Variants in NCKAP5 observed in about 807,000 individuals in gnomAD.
NCKAP5 encodes nck-associated protein 5.
A neutral mutation model predicts 167.0 loss-of-function variants in NCKAP5; 92 were observed. That is an observed-to-expected ratio of 0.55 (90% CI 0.47 to 0.66). NCKAP5 has a LOEUF of 0.66. Ranked by LOEUF, NCKAP5 falls within the 30% of genes least tolerant of loss-of-function variation. NCKAP5 has a pLI of 0.00. For synonymous variants in NCKAP5, 891 were observed against 877.4 expected, an observed-to-expected ratio of 1.02 and a Z score of -0.27; for missense variants, 2,378 against 2,315.0, an observed-to-expected ratio of 1.03 and a Z score of -0.56.
At chr2:133,427,697 C>T (rs1689900319) in intron 3 of NCKAP5, among the ~76,000 whole-genome samples, 1 of 152,026 alleles carries the variant, frequency 6.6e-6, no homozygotes, top group Non-Finnish European at 1.5e-5. Flanking sequence ...GTGAGAAAAT[C>T]ACATATGATA....
chr2:132,784,412 A>G lies in NCKAP5; in HGVS notation c.2399T>C (p.Leu800Pro). The G allele has an allele frequency of 1.2e-6, 2 of 1,613,134 alleles. No homozygotes were observed. The highest frequency in any genetic ancestry group is 1.7e-6 in the Non-Finnish European group (2 of 1,179,618). ...CTTGCCCCTGGGAGGTATTTTTGTC[A>G]GATTTTGCTTTTGATAGATGCCCAT... Reference protein sequence around the residue: ...APMGIYQKQNLTKIPPRGKSS... With the variant: ...APMGIYQKQNPTKIPPRGKSS... The change falls in exon 14 of 20, where the codon CTG becomes CCG. Residue 800 changes from leucine to proline, a missense_variant. Physicochemically the swap from Leu to Pro is moderately conservative, Grantham distance 98 (BLOSUM62 -3). This residue lies in a region of NCKAP5 where 1,049 missense variants were observed against 1,023.4 expected (regional missense o/e 1.02). Coordinates refer to ENST00000409261, the MANE Select transcript of NCKAP5 (RefSeq NM_207363.3).
chr2:133,144,434 AT>A (rs1417371098), intron 5 of NCKAP5, among the ~76,000 whole-genome samples: 2 of 152,030 alleles, frequency 1.3e-5, no homozygotes, highest in African/African-American at 2.4e-5. Context: ...CTAATCATTC[AT>A]TTTCCAGGAG....
At chr2:133,656,718 TG>T in the NCKAP5 span, among the ~76,000 whole-genome samples, 1 of 152,166 alleles carries the variant, frequency 6.6e-6, no homozygotes, top group Non-Finnish European at 1.5e-5. Context: ...GCACCAAGTG[TG>T]GGATTCTCTC....
At chr2:132,870,956 A>AT (rs988096136) in intron 9 of NCKAP5, among the ~76,000 whole-genome samples, 21 of 151,978 alleles carry the variant, frequency 1.4e-4, no homozygotes, top group Admixed American at 3.3e-4. Flanking sequence ...CACAAGAAGG[A>AT]TTTTTTTCCC....
chr2:132,932,484 C>T (rs1320028989), intron 8 of NCKAP5, among the ~76,000 whole-genome samples: 1 of 152,140 alleles, frequency 6.6e-6, no homozygotes, highest in Admixed American at 6.5e-5. Context: ...AAGAGTAGAA[C>T]TGGCCACTTT....
intron 3 of NCKAP5, among the ~76,000 whole-genome samples, chr2:133,354,724 G>T (rs1473840574): frequency 2.0e-5 from 3 of 152,104 alleles, no homozygotes; most frequent in Non-Finnish European, 4.4e-5. Flanking sequence ...TTGTGCACAG[G>T]ACTATAAATA....
the NCKAP5 span, among the ~76,000 whole-genome samples, chr2:133,649,091 T>C: frequency 6.6e-6 from 1 of 151,710 alleles, no homozygotes; most frequent in South Asian, 2.1e-4. Context: ...AAAAGGCTCA[T>C]AAAGACGACT....
chr2:132,867,874 G>GT (rs1690485593), intron 10 of NCKAP5, among the ~76,000 whole-genome samples: 1 of 152,088 alleles, frequency 6.6e-6, no homozygotes, highest in South Asian at 2.1e-4. Flanking sequence ...CTAACTCTAC[G>GT]TAAGTGTACT....
chr2:133,029,063 A>C (rs1029935386), intron 6 of NCKAP5, among the ~76,000 whole-genome samples: 6 of 152,160 alleles, frequency 3.9e-5, no homozygotes, highest in African/African-American at 1.2e-4. Context: ...TGGGCCAATT[A>C]AACTTTTTTT....
intron 8 of NCKAP5, among the ~76,000 whole-genome samples, chr2:132,885,916 C>A (rs1321505013): frequency 6.6e-6 from 1 of 152,254 alleles, no homozygotes; most frequent in African/African-American, 2.4e-5. Flanking sequence ...CCGCTGCAGG[C>A]TTTTCACCTC....
chr2:133,132,516 C>CACACACACACACACACACAA (rs374197642), intron 5 of NCKAP5, among the ~76,000 whole-genome samples: 9 of 146,406 alleles, frequency 6.1e-5, no homozygotes, highest in African/African-American at 2.1e-4. Flanking sequence ...CACACACACA[C>CACACACACACACACACACAA]AAACCCTGAT....
intron 3 of NCKAP5, among the ~76,000 whole-genome samples, chr2:133,503,450 A>G (rs1467177925): frequency 6.6e-6 from 1 of 152,212 alleles, no homozygotes; most frequent in Non-Finnish European, 1.5e-5. Flanking sequence ...AGGGTAGCAC[A>G]TGGCTAATTA....
At chr2:133,517,970 A>T (rs1012034009) in intron 2 of NCKAP5, among the ~76,000 whole-genome samples, 1 of 152,236 alleles carries the variant, frequency 6.6e-6, no homozygotes, top group Non-Finnish European at 1.5e-5. Flanking sequence ...TCAAACCGAC[A>T]AAACCACGCT....
chr2:132,829,621 CCCCTGATCT>C (rs1459123999), intron 11 of NCKAP5, among the ~76,000 whole-genome samples: 1 of 152,082 alleles, frequency 6.6e-6, no homozygotes, highest in Non-Finnish European at 1.5e-5. Context: ...TGCTTCCCGA[CCCCTGATCT>C]GGAATAGGGG....
chr2:133,197,584 A>T (rs1248679569), intron 5 of NCKAP5, among the ~76,000 whole-genome samples: 1 of 152,136 alleles, frequency 6.6e-6, no homozygotes, highest in Non-Finnish European at 1.5e-5. Context: ...CAACCCCAAG[A>T]TGACACAGAT....
At chr2:133,540,444 T>C in intron 2 of NCKAP5, among the ~76,000 whole-genome samples, 1 of 151,858 alleles carries the variant, frequency 6.6e-6, no homozygotes, top group Middle Eastern at 3.2e-3. Flanking sequence ...TAAAACATAA[T>C]CCAAGAATGA....
intron 12 of NCKAP5, among the ~76,000 whole-genome samples, chr2:132,791,507 C>A (rs528222733): frequency 6.6e-6 from 1 of 152,190 alleles, no homozygotes; most frequent in African/African-American, 2.4e-5. Context: ...ACAAACTGGA[C>A]AGGCTAAATT....
the NCKAP5 span, among the ~76,000 whole-genome samples, chr2:133,607,240 C>A: frequency 6.6e-6 from 1 of 151,992 alleles, no homozygotes; most frequent in Non-Finnish European, 1.5e-5. Flanking sequence ...TAGAAAATGG[C>A]TTATCAAGTA....
chr2:133,045,942 T>C (rs2079384475), intron 6 of NCKAP5, among the ~76,000 whole-genome samples: 1 of 152,142 alleles, frequency 6.6e-6, no homozygotes, highest in Admixed American at 6.5e-5. Flanking sequence ...GCCATGACAG[T>C]TGATTTGATA....
Sources: allele counts gnomAD v4.1 joint callset (sites outside exome capture counted in the v4.1 genomes callset), GRCh38; gene constraint gnomAD v4.1.1; regional missense constraint gnomAD v4.1.1; transcripts MANE v1.5; gene names NCBI Gene and HGNC (gene_info 2026-07-23, HGNC 2026-07-21).